The following DPY30 variants were observed in gnomAD, a reference collection of about 807,000 sequenced individuals.
The protein encoded by DPY30 is protein dpy-30 homolog.
A neutral mutation model predicts 16.2 loss-of-function variants in DPY30; 6 were observed. The observed-to-expected ratio is 0.37, with a 90% CI of 0.20 to 0.73. The LOEUF is 0.73. Ranked by LOEUF, DPY30 falls within the 30% of genes least tolerant of loss-of-function variation. The pLI is 0.51. For synonymous variants in DPY30, 39 were observed against 38.8 expected (o/e 1.00, Z -0.02); for missense variants, 73 against 113.1 (o/e 0.65, Z 1.61).
chr2:32,017,788 A>G (rs933678369), intron 5 of DPY30, among the ~76,000 whole-genome samples: 17 of 152,248 alleles, frequency 1.1e-4, no homozygotes, highest in Non-Finnish European at 2.1e-4. Flanking sequence ...ATACAAATAC[A>G]TAACACAAAA....
chr2:32,039,447 C>G lies in DPY30; in HGVS notation c.10G>C (p.Glu4Gln). Residue 4 changes from glutamate (E) to glutamine (Q), a missense_variant, in exon 2 of 5, where the codon GAG (glutamate) becomes CAG (glutamine). Physicochemically the swap from Glu to Gln is conservative, Grantham distance 29. Transcript: ENST00000342166. ...TGCGTTTGTCCCTCCAGCATCTGCT[C>G]TGGCTCCATGGCGGACCCTGCAAGT... MEP[E>Q]QMLEGQTQVA... 6.2e-7 allele frequency: 1 copy of G among 1,614,186 alleles called. No individual in the cohort carries two copies. Among genetic ancestry groups the G allele is most frequent in the Non-Finnish European group, 8.5e-7 (1 of 1,180,052 alleles).
At chr2:32,038,420 G>GGA in intron 3 of DPY30, among the ~76,000 whole-genome samples, 1 of 94,520 alleles carries the variant, frequency 1.1e-5, no homozygotes, top group African/African-American at 4.0e-5. Flanking sequence ...GGGGGGGGGG[G>GGA]GCGGGGGGAG....
At chr2:32,023,801 G>A (rs1675237319), downstream of DPY30, 1 of 1,307,362 alleles carries the variant, frequency 7.6e-7, no homozygotes, top group Non-Finnish European at 1.0e-6. Flanking sequence ...TCTCTCTGTT[G>A]TAAAACTCTG....
intron 1 of DPY30, 65 bp downstream of exon 1, chr2:32,039,668 G>A: frequency 1.6e-6 from 1 of 617,574 alleles, no homozygotes; most frequent in South Asian, 1.9e-5. Flanking sequence ...ATGGGGTCTG[G>A]AAACTCTACG....
At chr2:32,018,579 T>C (rs1330407062) in intron 5 of DPY30, among the ~76,000 whole-genome samples, 1 of 151,990 alleles carries the variant, frequency 6.6e-6, no homozygotes, top group Non-Finnish European at 1.5e-5. Context: ...TATAAAAAAT[T>C]AGCCGGGCAT....
chr2:32,020,462 T>A (rs1675154520), downstream of DPY30, among the ~76,000 whole-genome samples: 1 of 152,030 alleles, frequency 6.6e-6, no homozygotes, highest in African/African-American at 2.4e-5. Flanking sequence ...CAGTGAGCTA[T>A]GACCATGCCA....
At chr2:32,032,184 A>C (rs1675567858) in intron 3 of DPY30, among the ~76,000 whole-genome samples, 1 of 152,184 alleles carries the variant, frequency 6.6e-6, no homozygotes, top group South Asian at 2.1e-4. Flanking sequence ...ATAATTTTTC[A>C]ATCTAATTTT....
At position 32,033,378 on chromosome 2, in the gene DPY30, G is replaced by T. The variant is rs116779514; in HGVS notation, c.85-3642C>A. The stretch of plus-strand genomic sequence containing the variant: ...ATGCCTACAATAGGAAAGCCAATAA[G>T]AAAGAGCAATGTGGCCGGGCATGGT... On this transcript the variant is annotated intron_variant, in intron 3 of 4. Transcript: ENST00000342166. Among the ~76,000 whole-genome samples, 1,101 of 149,850 alleles carry T rather than the reference G, an allele frequency of 7.3e-3. 16 individuals are homozygous for T. The highest frequency in any genetic ancestry group is 0.026 in the African/African-American group (1,065 of 40,786).
At chr2:32,019,484 C>G (rs2148652119), downstream of DPY30, among the ~76,000 whole-genome samples, 1 of 152,152 alleles carries the variant, frequency 6.6e-6, no homozygotes, top group East Asian at 1.9e-4. Flanking sequence ...GCACTCCAGC[C>G]TGGAAAACAC....
In DPY30 at chr2:32,024,666, T is replaced by C. The variant is rs192774878; in HGVS notation, c.228-410A>G. ...GAAAATTCATCAAGCTGTATACCTA[T>C]GATATGTGTAATATTCTGTGTAATA... On this transcript the variant is annotated intron_variant, in intron 4 of 4. Transcript: ENST00000342166. Among the ~76,000 whole-genome samples the C allele has an allele frequency of 4.1e-3, 618 of 152,340 alleles. 7 individuals carry two copies. The highest frequency in any genetic ancestry group is 4.1e-3 in the Non-Finnish European group (279 of 68,028).
At chr2:32,019,331 A>C (rs945192312), downstream of DPY30, among the ~76,000 whole-genome samples, 2 of 152,108 alleles carry the variant, frequency 1.3e-5, no homozygotes, top group Admixed American at 1.3e-4. Flanking sequence ...AAATTTAGAC[A>C]CACCTGAGAG....
intron 3 of DPY30, among the ~76,000 whole-genome samples, chr2:32,030,075 AAAAAAAAT>A (rs1288230705): frequency 6.7e-6 from 1 of 149,852 alleles, no homozygotes; most frequent in African/African-American, 2.5e-5. Context: ...AAAAAAAAAA[AAAAAAAAT>A]AATGAATGTA....
Position 32,024,223 on chromosome 2 carries a change from A to G in DPY30, c.261T>C (p.Tyr87=). The change falls in exon 5 of 5, where the codon TAT becomes TAC. Residue 87 remains tyrosine, a synonymous_variant. Transcript: ENST00000342166. ...PPNPIEFLAS[Y]LLKNKAQFED... ...CAAACTGTGCCTTGTTTTTTAAAAG[A>G]TAAGATGCTAGAAATTCAATGGGAT... The G allele has an allele frequency of 6.2e-7, 1 of 1,612,886 alleles. No individual in the cohort carries two copies. Among genetic ancestry groups the G allele is most frequent in the Non-Finnish European group, 8.5e-7 (1 of 1,179,410 alleles).
downstream of DPY30, among the ~76,000 whole-genome samples, chr2:32,021,252 C>T (rs1008442424): frequency 2.6e-5 from 4 of 151,868 alleles, 1 homozygote; most frequent in South Asian, 4.2e-4. Flanking sequence ...AGCGAGACTC[C>T]GTCTAAAAAG....
rs150065663 is a variant in DPY30, at chr2:32,016,724, C to T, written n.378-4672G>A. Among the ~76,000 whole-genome samples, 1,487 of 152,074 alleles carry T rather than the reference C, an allele frequency of 9.8e-3. 26 individuals are homozygous for T. The highest frequency in any genetic ancestry group is 0.048 in the South Asian group (231 of 4,822). On this transcript the variant is annotated intron_variant and non_coding_transcript_variant, in intron 5 of 5. Coordinates refer to the DPY30 transcript ENST00000414013. ...TACTCCCAACTAACCCACCCACCAA[C>T]GTAATTCATGAACTCACTCTTAAGG... is the stretch of plus-strand genomic sequence containing the variant.
chr2:32,027,546 AAAG>A (rs1675377271), intron 4 of DPY30, among the ~76,000 whole-genome samples: 1 of 151,730 alleles, frequency 6.6e-6, no homozygotes, highest in African/African-American at 2.4e-5. Flanking sequence ...AAAAAAAAAA[AAAG>A]AGTAGAATAA....
intron 5 of DPY30, among the ~76,000 whole-genome samples, chr2:32,018,622 G>A (rs917835410): frequency 5.3e-5 from 8 of 152,076 alleles, no homozygotes; most frequent in African/African-American, 1.9e-4. Context: ...AGCTATTCAG[G>A]AGGCTGAGGC....
chr2:32,024,427 A>C (rs1675260316), intron 4 of DPY30, among the ~76,000 whole-genome samples, 171 bp from the exon 5 acceptor site: 1 of 152,242 alleles, frequency 6.6e-6, no homozygotes. Context: ...TTAATTAGCC[A>C]ACAAAATAGT....
At chr2:32,016,249 T>G (rs1675062672) in intron 5 of DPY30, among the ~76,000 whole-genome samples, 1 of 152,170 alleles carries the variant, frequency 6.6e-6, no homozygotes, top group African/African-American at 2.4e-5. Flanking sequence ...CAACTACCCC[T>G]TTTATCACTA....
Sources: gnomAD v4.1 joint callset for allele counts (sites outside exome capture counted in the v4.1 genomes callset) on GRCh38, gnomAD v4.1.1 for gene constraint, MANE v1.5 for transcripts, NCBI Gene and HGNC (gene_info 2026-07-23, HGNC 2026-07-21) for gene names.